Variants in C1orf94 observed in about 807,000 individuals in gnomAD.
C1orf94 encodes the protein uncharacterized protein C1orf94.
In C1orf94, 45 loss-of-function variants were observed where a neutral mutation model predicts 53.6. The observed-to-expected ratio is 0.84, with a 90% CI of 0.66 to 1.08. The LOEUF (loss-of-function observed/expected upper bound fraction) is 1.08, where lower values mean the gene tolerates loss of function less well. Among genes scored for constraint, C1orf94 ranks in the 50% least tolerant of loss-of-function variants. The pLI, the probability that C1orf94 is intolerant of heterozygous loss-of-function variation, is 0.00. For missense variants in C1orf94, 762 were observed against 738.9 expected (o/e 1.03, Z -0.36); for synonymous variants, 304 against 296.1 (o/e 1.03, Z -0.27).
intron 1 of C1orf94, among the ~76,000 whole-genome samples, chr1:34,170,191 C>G (rs1642124670): frequency 6.6e-6 from 1 of 152,192 alleles, no homozygotes; most frequent in Non-Finnish European, 1.5e-5. Context: ...CTTACTCTTT[C>G]ATTCATTTGT....
intron 5 of C1orf94, among the ~76,000 whole-genome samples, chr1:34,208,850 G>A (rs922726651): frequency 3.9e-5 from 6 of 152,102 alleles, no homozygotes; most frequent in African/African-American, 1.2e-4. Flanking sequence ...AGACCTGTCC[G>A]TGGGAACTTC....
intron 2 of C1orf94, 103 bp from the exon 3 acceptor site, chr1:34,200,669 G>C (rs759287759): frequency 7.7e-5 from 114 of 1,489,734 alleles, no homozygotes; most frequent in Non-Finnish European, 9.8e-5. Context: ...CAAGCCTCAG[G>C]TGTGTGCTGC....
intron 1 of C1orf94, among the ~76,000 whole-genome samples, chr1:34,188,715 G>C (rs184111702): frequency 1.3e-5 from 2 of 152,154 alleles, no homozygotes; most frequent in East Asian, 3.9e-4. Context: ...TCCTCACTGC[G>C]GCCCGGAGGG....
At position 34,177,866 on chromosome 1, in the gene C1orf94, G is replaced by C. The variant is rs1642253321; in HGVS notation, c.77G>C (p.Ser26Thr). ...CAGAAAGAGAGGAGGAGGATGGCCA[G>C]CGGGAATGGGCTTCCTTCATCCTCG... ...GFQKERRRMASGNGLPSSSAL... is the reference protein window; with the variant it reads ...GFQKERRRMATGNGLPSSSAL... The change falls in exon 1 of 7, where the codon AGC becomes ACC. Residue 26 changes from serine to threonine, a missense_variant. Physicochemically the swap from Ser to Thr is moderately conservative, Grantham distance 58 (BLOSUM62 1). Transcript: ENST00000488417. 6.4e-7 allele frequency: 1 copy of C among 1,551,214 alleles called. No homozygotes were observed. The highest frequency in any genetic ancestry group is 8.7e-7 in the Non-Finnish European group (1 of 1,146,716).
chr1:34,170,622 C>A (rs1032307733), intron 1 of C1orf94, among the ~76,000 whole-genome samples: 2 of 152,060 alleles, frequency 1.3e-5, no homozygotes, highest in Non-Finnish European at 2.9e-5. Flanking sequence ...AGGATGGAAA[C>A]CTCTTTTCTC....
intron 6 of C1orf94, among the ~76,000 whole-genome samples, chr1:34,217,253 G>C (rs1311585406): frequency 6.6e-6 from 1 of 152,078 alleles, no homozygotes; most frequent in African/African-American, 2.4e-5. Flanking sequence ...TGGCCCTCTA[G>C]CGTACATACT....
rs1236312931 is a variant in C1orf94, at chr1:34,197,582, C to A, written c.678C>A (p.Gly226=). Residue 226 remains glycine (G), a synonymous_variant, in exon 2 of 7, where the codon GGC becomes GGA. Transcript: ENST00000488417. The surrounding 1 kb of genome is among the most constrained non-coding windows in gnomAD (Gnocchi z 4.1). The part of the protein sequence containing the change: ...VKSSKGTEDR[G]RILGDSNLQV... ...GCAGCAAGGGGACAGAGGACAGGGGCCGCATCCTAGGTGACTCCAACTTGC... is the reference window on the plus strand; with the variant it reads ...GCAGCAAGGGGACAGAGGACAGGGGACGCATCCTAGGTGACTCCAACTTGC... The A allele has an allele frequency of 6.2e-7, 1 of 1,614,152 alleles. No individual in the cohort carries two copies. The highest frequency in any genetic ancestry group is 8.5e-7 in the Non-Finnish European group (1 of 1,180,026).
intron 1 of C1orf94, among the ~76,000 whole-genome samples, chr1:34,189,228 A>T (rs1256748260): frequency 2.6e-5 from 4 of 151,664 alleles, no homozygotes; most frequent in Non-Finnish European, 5.9e-5. Context: ...ATTTGTGTGC[A>T]TGGCTGTGGT....
At chr1:34,191,601 G>T (rs1013137004) in intron 1 of C1orf94, among the ~76,000 whole-genome samples, 1 of 152,168 alleles carries the variant, frequency 6.6e-6, no homozygotes, top group Non-Finnish European at 1.5e-5. Flanking sequence ...CCTGACCCCA[G>T]AGCCCTCCAC....
intron 1 of C1orf94, among the ~76,000 whole-genome samples, chr1:34,191,639 G>A (rs977987279): frequency 2.6e-5 from 4 of 152,108 alleles, no homozygotes; most frequent in African/African-American, 9.7e-5. Flanking sequence ...GGTTGCCTTG[G>A]GTACTGTGTT....
chr1:34,182,392 C>T (rs560739325), intron 1 of C1orf94, among the ~76,000 whole-genome samples: 1 of 152,212 alleles, frequency 6.6e-6, no homozygotes, highest in East Asian at 1.9e-4. Context: ...TGTTATGGAA[C>T]ACTTTTGCAG....
chr1:34,197,918 G>GT lies in C1orf94; in HGVS notation c.1009+6dup. 1 of 1,609,918 alleles carries GT rather than the reference G, an allele frequency of 6.2e-7. No homozygotes were observed. The highest frequency in any genetic ancestry group is 8.5e-7 in the Non-Finnish European group (1 of 1,177,612). On this transcript the variant is annotated splice_donor_region_variant and intron_variant, in intron 2 of 6. Coordinates refer to ENST00000488417, the MANE Select transcript of C1orf94 (RefSeq NM_001134734.2). The surrounding 1 kb of genome is among the most constrained non-coding windows in gnomAD (Gnocchi z 4.1). ...TGGAGAGGCACCACTTGATGGGTGA[G>GT]TGGGGTTGGAACTGGGGTAGAGTGG...
At chr1:34,187,323 G>C (rs1384191649) in intron 1 of C1orf94, among the ~76,000 whole-genome samples, 4 of 152,098 alleles carry the variant, frequency 2.6e-5, no homozygotes, top group African/African-American at 9.7e-5. Flanking sequence ...TGGCTTCAAG[G>C]CTTGAGTTCT....
At chr1:34,192,264 AGGTGATTACTCAAG>A (rs949840204) in intron 1 of C1orf94, among the ~76,000 whole-genome samples, 14 of 152,210 alleles carry the variant, frequency 9.2e-5, no homozygotes, top group Non-Finnish European at 2.1e-4. Flanking sequence ...GTGAGCCCCA[AGGTGATTACTCAAG>A]GTCAATGCGG....
At chr1:34,187,774 C>CCG (rs1642407618) in intron 1 of C1orf94, among the ~76,000 whole-genome samples, 1 of 53,626 alleles carries the variant, frequency 1.9e-5, no homozygotes, top group Admixed American at 1.6e-4. Flanking sequence ...CACCCACCCC[C>CCG]CCCCCCCCGC....
At chr1:34,205,732 C>T (rs1051825218) in intron 4 of C1orf94, among the ~76,000 whole-genome samples, 1 of 152,130 alleles carries the variant, frequency 6.6e-6, no homozygotes, top group Non-Finnish European at 1.5e-5. Flanking sequence ...ACAGTCTAGC[C>T]TGGTCTTTTC....
chr1:34,209,247 ATACTGCCTGAAAAT>A (rs1642851134), intron 5 of C1orf94, among the ~76,000 whole-genome samples: 1 of 151,802 alleles, frequency 6.6e-6, no homozygotes, highest in Non-Finnish European at 1.5e-5. Context: ...ATGCACAATA[ATACTGCCTGAAAAT>A]AAAGCAGCAG....
At chr1:34,200,260 G>C (rs866092004) in intron 2 of C1orf94, among the ~76,000 whole-genome samples, 6 of 152,322 alleles carry the variant, frequency 3.9e-5, no homozygotes, top group African/African-American at 1.4e-4. Flanking sequence ...GCTCACTGAA[G>C]GCAGGAACTG....
chr1:34,170,787 T>G (rs1019254654), intron 1 of C1orf94, among the ~76,000 whole-genome samples: 13 of 151,772 alleles, frequency 8.6e-5, no homozygotes, highest in Admixed American at 5.2e-4. Context: ...GCTCCCCAAT[T>G]CAGGGAACAG....
Sources: allele counts gnomAD v4.1 joint callset (sites outside exome capture counted in the v4.1 genomes callset), GRCh38; gene constraint gnomAD v4.1.1; non-coding constraint Gnocchi (gnomAD v3.1); transcripts MANE v1.5; gene names NCBI Gene and HGNC (gene_info 2026-07-23, HGNC 2026-07-21).